ATAD3B: variants seen among roughly 807,000 people sequenced by gnomAD.
ATAD3B encodes ATPase family AAA domain containing 3B.
ATAD3B carries 59 observed loss-of-function variants against 70.2 expected under a neutral mutation model. That is an observed-to-expected ratio of 0.84 (90% CI 0.68 to 1.04). The LOEUF (loss-of-function observed/expected upper bound fraction) is 1.04. ATAD3B is among the 50% of genes least tolerant of loss of function. The probability of loss-of-function intolerance (pLI) is 0.00; values close to 1 mark genes in which losing one functional copy is unlikely to be tolerated. For missense variants in ATAD3B, 961 were observed against 913.4 expected (o/e 1.05, Z -0.67); for synonymous variants, 423 against 388.6 (o/e 1.09, Z -1.04).
chr1:1,496,808 CCT>C lies in ATAD3B; in HGVS notation c.*992_*993del, dbSNP rs1640811902. 1 of 148,312 alleles carries C rather than the reference CCT, an allele frequency of 6.7e-6. No individual in the cohort carries two copies. Among genetic ancestry groups the C allele is most frequent in the Admixed American group, 6.7e-5 (1 of 14,884 alleles). 9.2% of individuals were successfully genotyped at this position (148,312 alleles called of 1,614,324 possible). A position where few individuals can be genotyped will look rare whatever the true frequency, so the allele number is the denominator to read the frequency against. The stretch of plus-strand genomic sequence containing the variant: ...CCAGGCTTCCGGAGGCAGCTGCGTC[CCT>C]GTCTTGGCTCAAGGTCAGGCCGGAG... On this transcript the variant is annotated 3_prime_UTR_variant, in exon 16 of 16. Coordinates refer to ENST00000673477, the MANE Select transcript of ATAD3B (RefSeq NM_031921.6).
At chr1:1,501,246 C>G (rs907925263), downstream of ATAD3B, among the ~76,000 whole-genome samples, 3 of 145,984 alleles carry the variant, frequency 2.1e-5, 1 homozygote, top group African/African-American at 8.0e-5. Flanking sequence ...CCACTACGCC[C>G]AGCTAATTTT....
chr1:1,499,896 T>A (rs1264190481), downstream of ATAD3B, among the ~76,000 whole-genome samples: 1 of 137,614 alleles, frequency 7.3e-6, no homozygotes, highest in Non-Finnish European at 1.6e-5. Flanking sequence ...GCCCAGCCTT[T>A]TTTTTTTTTT....
the ATAD3B span, among the ~76,000 whole-genome samples, chr1:1,503,857 G>T: frequency 6.6e-6 from 1 of 152,116 alleles, no homozygotes; most frequent in African/African-American, 2.4e-5. Context: ...AGCCTCCCGA[G>T]AGGGAGGGCC....
chr1:1,491,043 G>C (rs1442587737), intron 15 of ATAD3B, among the ~76,000 whole-genome samples: 1 of 152,000 alleles, frequency 6.6e-6, no homozygotes, highest in Non-Finnish European at 1.5e-5. Context: ...TGAGTTGGGT[G>C]GTGGGGGTGG....
downstream of ATAD3B, among the ~76,000 whole-genome samples, chr1:1,498,228 A>T (rs1410777062): frequency 1.3e-5 from 2 of 151,740 alleles, no homozygotes; most frequent in Non-Finnish European, 2.9e-5. Context: ...ACTTGAACCC[A>T]GGAGGCAGAG....
At chr1:1,505,766 T>G in the ATAD3B span, among the ~76,000 whole-genome samples, 2 of 152,182 alleles carry the variant, frequency 1.3e-5, no homozygotes, top group Non-Finnish European at 2.9e-5. Context: ...AGATTATGAT[T>G]ATAGAGCGAG....
At chr1:1,494,316 A>G (rs1329613281) in intron 15 of ATAD3B, among the ~76,000 whole-genome samples, 11 of 152,050 alleles carry the variant, frequency 7.2e-5, no homozygotes, top group African/African-American at 2.6e-4. Context: ...GCCCTGGGTG[A>G]CGTGCAGCCA....
downstream of ATAD3B, among the ~76,000 whole-genome samples, chr1:1,500,362 A>C (rs1269176719): frequency 2.2e-3 from 298 of 137,382 alleles, no homozygotes; most frequent in Middle Eastern, 0.01. Flanking sequence ...ACCATCCTGG[A>C]TAACACGGTG....
chr1:1,508,941 A>G, the ATAD3B span, among the ~76,000 whole-genome samples: 4 of 151,714 alleles, frequency 2.6e-5, no homozygotes, highest in African/African-American at 9.8e-5. Flanking sequence ...GCCGTCAGTG[A>G]GGCTCCGCCT....
At chr1:1,499,536 A>T (rs1053574589), downstream of ATAD3B, among the ~76,000 whole-genome samples, 1 of 130,254 alleles carries the variant, frequency 7.7e-6, no homozygotes, top group Non-Finnish European at 1.7e-5. Context: ...CCAGCCATAG[A>T]TAGATATTAT....
intron 7 of ATAD3B, 98 bp from the exon 8 acceptor site, chr1:1,484,918 C>G: frequency 6.7e-7 from 1 of 1,485,912 alleles, no homozygotes; most frequent in Non-Finnish European, 9.0e-7. Flanking sequence ...GTGCTTCTCC[C>G]TCAGGCGGAG....
At chr1:1,476,245 A>C (rs1639582319) in intron 1 of ATAD3B, among the ~76,000 whole-genome samples, 1 of 148,012 alleles carries the variant, frequency 6.8e-6, no homozygotes, top group Non-Finnish European at 1.5e-5. Context: ...AGGCCCAAGC[A>C]GACCCACCCC....
At chr1:1,505,837 A>G in the ATAD3B span, among the ~76,000 whole-genome samples, 2 of 152,248 alleles carry the variant, frequency 1.3e-5, no homozygotes, top group Non-Finnish European at 2.9e-5. Flanking sequence ...TGATATTCAT[A>G]TATAATCATA....
chr1:1,507,030 G>GC, the ATAD3B span, among the ~76,000 whole-genome samples: 1 of 151,766 alleles, frequency 6.6e-6, no homozygotes, highest in Admixed American at 6.6e-5. Context: ...TTCGTGATCT[G>GC]CCCGCTTCAG....
chr1:1,478,398 G>A, intron 2 of ATAD3B: 3 of 1,488,424 alleles, frequency 2.0e-6, no homozygotes, highest in Non-Finnish European at 2.7e-6. Flanking sequence ...GTGGGGTGGG[G>A]TTGGTGTCTG....
At chr1:1,495,430 T>G (rs1640733168) in intron 15 of ATAD3B, 55 bp from the exon 16 acceptor site, 1 of 1,548,476 alleles carries the variant, frequency 6.5e-7, no homozygotes, top group Non-Finnish European at 8.7e-7. Flanking sequence ...CTGGCGTGCA[T>G]TAAGGGTGGC....
At position 1,490,356 on chromosome 1, in the gene ATAD3B, GGA is replaced by G. The variant is rs751163020; in HGVS notation, c.1439_1440del (p.Glu480AlafsTer10). 27 of 1,613,364 alleles carry G rather than the reference GGA, an allele frequency of 1.7e-5. No homozygotes were observed. Among genetic ancestry groups the G allele is most frequent in the Admixed American group, 5.0e-5 (3 of 59,978 alleles). ...TCCACTTCGACCTGCCGCAGCAGGA[GGA>G]GCGGGAGCGCCTGGTGAGACTGCAT... Reference protein sequence around the residue: ...MVHFDLPQQEERERLVRLHFD... With the variant: ...MVHFDLPQQEXRERLVRLHFD... On this transcript the variant is annotated frameshift_variant, in exon 14 of 16. Coordinates refer to ENST00000673477, the MANE Select transcript of ATAD3B (RefSeq NM_031921.6). LOFTEE classifies it high-confidence loss of function.
At chr1:1,488,383 G>T (rs953459936) in intron 12 of ATAD3B, among the ~76,000 whole-genome samples, 2 of 151,858 alleles carry the variant, frequency 1.3e-5, no homozygotes, top group African/African-American at 4.8e-5. Flanking sequence ...ACACTAACAC[G>T]CCCGGCTAAT....
chr1:1,480,503 C>T (rs1328001780), intron 4 of ATAD3B, among the ~76,000 whole-genome samples: 1 of 147,508 alleles, frequency 6.8e-6, no homozygotes, highest in Non-Finnish European at 1.5e-5. Flanking sequence ...GCGGGGTTCA[C>T]ATGTTGCCTG....
Sources: allele counts gnomAD v4.1 joint callset (sites outside exome capture counted in the v4.1 genomes callset), GRCh38; gene constraint gnomAD v4.1.1; transcripts MANE v1.5; gene names NCBI Gene and HGNC (gene_info 2026-07-23, HGNC 2026-07-21).